The following MEF2C variants were observed in gnomAD, a reference collection of about 807,000 sequenced individuals.
The protein encoded by MEF2C is myocyte enhancer factor 2C.
MEF2C carries 6 observed loss-of-function variants against 50.5 expected under a neutral mutation model. The ratio of observed to expected loss-of-function variants is 0.12; its 90% CI spans 0.07 to 0.23. MEF2C has a LOEUF of 0.23. Among genes scored for constraint, MEF2C ranks in the 10% least tolerant of loss-of-function variants. The pLI is 1.00. For synonymous variants in MEF2C, 183 were observed against 228.0 expected (o/e 0.80, Z 1.78); for missense variants, 276 against 605.0 (o/e 0.46, Z 5.70).
intron 1 of MEF2C, among the ~76,000 whole-genome samples, chr5:88,858,544 G>C (rs1053324404): frequency 6.6e-6 from 1 of 152,180 alleles, no homozygotes; most frequent in African/African-American, 2.4e-5. Context: ...ACAAAGAAGG[G>C]AGCAAAGTGC....
intron 1 of MEF2C, among the ~76,000 whole-genome samples, chr5:88,862,450 C>T (rs535415720): frequency 1.3e-5 from 2 of 152,114 alleles, no homozygotes; most frequent in South Asian, 2.1e-4. Context: ...TATTAGAGTA[C>T]CCGAAGTTCT....
At chr5:88,895,578 A>G (rs550305674) in intron 1 of MEF2C, among the ~76,000 whole-genome samples, 1 of 152,328 alleles carries the variant, frequency 6.6e-6, no homozygotes, top group South Asian at 2.1e-4. Context: ...CTCTTAAAAC[A>G]GGGCTCTTAT....
intron 4 of MEF2C, 125 bp from the exon 5 acceptor site, chr5:88,752,168 C>T (rs1189012327): frequency 1.2e-6 from 1 of 839,560 alleles, no homozygotes; most frequent in Non-Finnish European, 1.8e-6. Context: ...GTCTAGAAGA[C>T]CATTAAGAAG....
At chr5:88,875,822 C>A (rs908591089) in intron 1 of MEF2C, among the ~76,000 whole-genome samples, 11 of 151,874 alleles carry the variant, frequency 7.2e-5, no homozygotes, top group Non-Finnish European at 1.6e-4. Flanking sequence ...CACTCCGAGA[C>A]AGAAGAGGGG....
intron 1 of MEF2C, among the ~76,000 whole-genome samples, chr5:88,849,150 C>CAAAA (rs11295110): frequency 7.4e-4 from 68 of 92,128 alleles, no homozygotes; most frequent in South Asian, 2.7e-3. Context: ...GACTTTGTCT[C>CAAAA]AAAAAAAAAA....
intron 1 of MEF2C, among the ~76,000 whole-genome samples, chr5:88,898,017 T>G (rs1055789796): frequency 1.3e-5 from 2 of 152,252 alleles, no homozygotes; most frequent in Non-Finnish European, 2.9e-5. Context: ...TCCATAGCAC[T>G]TATTTGCATG....
At chr5:88,781,353 T>A (rs1787919523) in intron 3 of MEF2C, among the ~76,000 whole-genome samples, 1 of 152,228 alleles carries the variant, frequency 6.6e-6, no homozygotes, top group African/African-American at 2.4e-5. Flanking sequence ...TGTATGAGCA[T>A]CATGTGCTAA....
At chr5:88,809,325 G>A (rs1197741894) in intron 2 of MEF2C, among the ~76,000 whole-genome samples, 2 of 152,100 alleles carry the variant, frequency 1.3e-5, no homozygotes, top group East Asian at 3.9e-4. Context: ...ATTTAAGAAA[G>A]TCTATTCACA....
At chr5:88,830,392 C>T (rs966443159) in intron 1 of MEF2C, among the ~76,000 whole-genome samples, 1 of 152,044 alleles carries the variant, frequency 6.6e-6, no homozygotes, top group South Asian at 2.1e-4. Context: ...GTGGGCCTAA[C>T]CTGCCATTAT....
intron 6 of MEF2C, among the ~76,000 whole-genome samples, chr5:88,747,367 G>C (rs1202028499): frequency 6.7e-3 from 1 of 150 alleles, no homozygotes; most frequent in African/African-American, 0.013. Flanking sequence ...TTTTTTTTTT[G>C]AGACGGAGTC....
intron 2 of MEF2C, among the ~76,000 whole-genome samples, chr5:88,817,183 CTCTT>C (rs1805847445): frequency 6.6e-6 from 1 of 151,998 alleles, no homozygotes; most frequent in Non-Finnish European, 1.5e-5. Flanking sequence ...GAATGTATCT[CTCTT>C]TCAACAAATT....
chr5:88,779,117 C>T (rs1315920141), intron 3 of MEF2C, among the ~76,000 whole-genome samples: 1 of 152,234 alleles, frequency 6.6e-6, no homozygotes, highest in African/African-American at 2.4e-5. Flanking sequence ...TTGCTTTTCA[C>T]ATGCGCTTAA....
chr5:88,851,457 T>C (rs1359406773), intron 1 of MEF2C, among the ~76,000 whole-genome samples: 4 of 152,108 alleles, frequency 2.6e-5, no homozygotes, highest in Non-Finnish European at 5.9e-5. Flanking sequence ...AGTAGAAAAC[T>C]TGGCTACTTT....
At chr5:88,751,239 G>C in intron 5 of MEF2C, 1 of 985,316 alleles carries the variant, frequency 1.0e-6, no homozygotes, top group Non-Finnish European at 1.2e-6. Context: ...CTTGGACACT[G>C]TGAATTGAAC....
intron 1 of MEF2C, among the ~76,000 whole-genome samples, chr5:88,871,345 CTTA>C (rs148498606): frequency 6.6e-6 from 1 of 151,594 alleles, no homozygotes; most frequent in African/African-American, 2.4e-5. Context: ...TTCATGCAGA[CTTA>C]TTATTATTAT....
chr5:88,891,652 T>C (rs1157109289), intron 1 of MEF2C, among the ~76,000 whole-genome samples: 4 of 152,234 alleles, frequency 2.6e-5, no homozygotes, highest in Admixed American at 2.6e-4. Context: ...CCTCGTGATC[T>C]GCCTGTCTCG....
intron 2 of MEF2C, chr5:88,819,250 C>T (rs971360123): frequency 3.2e-6 from 2 of 618,420 alleles, no homozygotes; most frequent in Non-Finnish European, 4.0e-6. Flanking sequence ...TTATATTACA[C>T]TAGATGCATC....
chr5:88,736,790 C>T (rs1764307712), intron 6 of MEF2C: 2 of 985,428 alleles, frequency 2.0e-6, no homozygotes, highest in African/African-American at 3.5e-5. Flanking sequence ...TTGACACACT[C>T]TATCTATGAA....
chr5:88,873,380 T>A (rs570029533), intron 1 of MEF2C, among the ~76,000 whole-genome samples: 4 of 152,060 alleles, frequency 2.6e-5, no homozygotes. Flanking sequence ...CTGTCGCCCA[T>A]GTGTAGTCAA....
Sources: gnomAD v4.1 joint callset for allele counts (sites outside exome capture counted in the v4.1 genomes callset) on GRCh38, gnomAD v4.1.1 for gene constraint, MANE v1.5 for transcripts, NCBI Gene and HGNC (gene_info 2026-07-23, HGNC 2026-07-21) for gene names.